PSG8: variants seen among roughly 807,000 people sequenced by gnomAD.
PSG8 encodes pregnancy-specific beta-1-glycoprotein 8.
Under a neutral mutation model 42.5 loss-of-function variants are expected in PSG8, and 57 were observed. The ratio of observed to expected loss-of-function variants is 1.34; its 90% CI spans 1.08 to 1.67. The LOEUF is 1.67. Among genes scored for constraint, PSG8 ranks in the 40% most tolerant of loss-of-function variants. The pLI is 0.00. For synonymous variants in PSG8, 280 were observed against 196.8 expected, an observed-to-expected ratio of 1.42 and a Z score of -3.54; for missense variants, 783 against 518.6, an observed-to-expected ratio of 1.51 and a Z score of -4.95.
chr19:42,764,823 C>G (rs539972051), intron 1 of PSG8, among the ~76,000 whole-genome samples: 6 of 152,122 alleles, frequency 3.9e-5, no homozygotes, highest in Non-Finnish European at 8.8e-5. Context: ...GTGCCCAGAA[C>G]AGGCTGCAGA....
chr19:42,760,836 G>A (rs530210002), intron 2 of PSG8, among the ~76,000 whole-genome samples: 23 of 152,228 alleles, frequency 1.5e-4, no homozygotes, highest in African/African-American at 3.1e-4. Flanking sequence ...CTCGGCCTCC[G>A]AAAGTGCTGG....
intron 3 of PSG8, among the ~76,000 whole-genome samples, chr19:42,756,696 C>G (rs774994727): frequency 2.0e-5 from 3 of 152,002 alleles, no homozygotes; most frequent in African/African-American, 7.3e-5. Context: ...ATGCCTCACT[C>G]GTATATTTTT....
chr19:42,763,639 G>A, intron 2 of PSG8: 1 of 587,768 alleles, frequency 1.7e-6, no homozygotes, highest in Non-Finnish European at 2.8e-6. Flanking sequence ...AAGAGGGCAT[G>A]AGGTGCTTGT....
intron 2 of PSG8, among the ~76,000 whole-genome samples, chr19:42,759,449 G>C (rs1276677107): frequency 1.3e-5 from 2 of 152,142 alleles, no homozygotes; most frequent in Non-Finnish European, 1.5e-5. Context: ...TATGCAGAAG[G>C]CTTAAAACAA....
downstream of PSG8, chr19:42,754,221 C>A (rs113566242): frequency 0.015 from 23,467 of 1,579,712 alleles, 327 homozygotes; most frequent in African/African-American, 0.03. Context: ...TTGGGATTTG[C>A]TTGTGCCCAT....
At chr19:42,760,598 T>C (rs75407223) in intron 2 of PSG8, among the ~76,000 whole-genome samples, 2 of 152,032 alleles carry the variant, frequency 1.3e-5, no homozygotes, top group South Asian at 4.2e-4. Flanking sequence ...ATTTTTTTTT[T>C]CTGAGACAGA....
intron 2 of PSG8, among the ~76,000 whole-genome samples, chr19:42,760,097 G>A (rs1970035374): frequency 6.6e-6 from 1 of 152,156 alleles, no homozygotes; most frequent in Admixed American, 6.5e-5. Flanking sequence ...CCCCAAAACA[G>A]GTATGTGAAA....
chr19:42,763,949 C>T lies in PSG8; in HGVS notation c.397G>A (p.Gly133Arg), dbSNP rs1970142432. 3.1e-6 allele frequency: 5 copies of T among 1,613,668 alleles called. No homozygotes were observed. Among genetic ancestry groups the T allele is most frequent in the Non-Finnish European group, 4.2e-6 (5 of 1,179,838 alleles). The change falls in exon 2 of 5, where the codon GGA becomes AGA. Residue 133 changes from glycine to arginine, a missense_variant. Physicochemically the swap from Gly to Arg is moderately radical, Grantham distance 125 (BLOSUM62 -2). Coordinates refer to ENST00000306511, the MANE Select transcript of PSG8 (RefSeq NM_182707.3). The stretch of plus-strand genomic sequence containing the variant: ...GTGAAGGTGAAATGTCCAGTTACTC[C>T]TCTATTCTCATCACCTCCCATTATG... The part of the protein sequence containing the change: ...HIIMGGDENR[G>R]VTGHFTFTLY...
intron 3 of PSG8, among the ~76,000 whole-genome samples, chr19:42,757,085 C>T (rs560347583): frequency 6.6e-6 from 1 of 152,190 alleles, no homozygotes; most frequent in East Asian, 1.9e-4. Flanking sequence ...ATATTTTATT[C>T]CTTTTGATGT....
At chr19:42,764,341 G>A (rs28678374) in intron 1 of PSG8, 60 bp from the exon 2 acceptor site, 2 of 1,562,192 alleles carry the variant, frequency 1.3e-6, no homozygotes, top group East Asian at 4.5e-5. Flanking sequence ...TGAAAACATG[G>A]GGCCCTGGGT....
chr19:42,752,820 C>T (rs1969815265), downstream of PSG8: 1 of 190,558 alleles, frequency 5.2e-6, no homozygotes, highest in African/African-American at 2.3e-5. Flanking sequence ...ATAATTTCAG[C>T]TTTCCTACCT....
chr19:42,753,245 C>A (rs941122028), downstream of PSG8: 329 of 777,944 alleles, frequency 4.2e-4, 7 homozygotes, highest in Admixed American at 2.4e-4. Flanking sequence ...CAAGGGTTTT[C>A]CCATGAAATT....
rs1406472449 is a variant in PSG8 at position 42,754,528 on chromosome 19, G to A, written c.1048C>T (p.Leu350Phe). 1 of 1,613,810 alleles carries A rather than the reference G, an allele frequency of 6.2e-7. No individual in the cohort carries two copies. Among genetic ancestry groups the A allele is most frequent in the Non-Finnish European group, 8.5e-7 (1 of 1,179,836 alleles). The change falls in exon 5 of 5, where the codon CTC becomes TTC. Residue 350 changes from leucine to phenylalanine, a missense_variant. Transcript: ENST00000306511. ...GAGTCCGCAGAACAGGACAAGTAGA[G>A]GACTTCTCCTGAACGGTAATAGGTG... ...SFTYYRSGEVLYLSCSADSNP... is the reference protein window; with the variant it reads ...SFTYYRSGEVFYLSCSADSNP...
chr19:42,758,347 A>G (rs1036332836), intron 2 of PSG8, 67 bp from the exon 3 acceptor site: 3 of 1,569,442 alleles, frequency 1.9e-6, no homozygotes, highest in Non-Finnish European at 2.6e-6. Flanking sequence ...GCATTTTTCA[A>G]TCAGAGTTGG....
intron 3 of PSG8, among the ~76,000 whole-genome samples, chr19:42,757,705 G>T (rs1397644947): frequency 6.6e-6 from 1 of 152,154 alleles, no homozygotes; most frequent in Non-Finnish European, 1.5e-5. Flanking sequence ...TCACAACATT[G>T]AAGTCCCAGC....
Position 42,754,261 on chromosome 19 carries a change from C to T in PSG8, c.*34G>A, listed in dbSNP as rs547519678. On this transcript the variant is annotated 3_prime_UTR_variant, in exon 5 of 5. Coordinates refer to ENST00000306511, the MANE Select transcript of PSG8 (RefSeq NM_182707.3). ...CGCAGGCTGGGAATAAAAATGTTTT[C>T]CTGACTCTTCCCTGAAGGCCAGATA... 5.0e-6 allele frequency: 8 copies of T among 1,605,268 alleles called. No homozygotes were observed. The highest frequency in any genetic ancestry group is 2.1e-4 in the Middle Eastern group (1 of 4,866).
chr19:42,757,724 A>T lies in PSG8; in HGVS notation c.709+278T>A, dbSNP rs559205171. Among the ~76,000 whole-genome samples, 10 of 152,282 alleles carry T rather than the reference A, an allele frequency of 6.6e-5. No homozygotes were observed. The South Asian group carries it at 8.3e-4, about 13-fold the overall frequency. Reference sequence around the variant, plus strand: ...AACATTGAAGTCCCAGCCAAATCCCAGCTGTGTTCACTGATCTGGAGCCTG... The same window carrying T: ...AACATTGAAGTCCCAGCCAAATCCCTGCTGTGTTCACTGATCTGGAGCCTG... On this transcript the variant is annotated intron_variant, in intron 3 of 4. Coordinates refer to ENST00000306511, the MANE Select transcript of PSG8 (RefSeq NM_182707.3).
chr19:42,763,812 T>C (rs1245955637), intron 2 of PSG8, 104 bp downstream of exon 2: 2 of 1,587,984 alleles, frequency 1.3e-6, no homozygotes, highest in African/African-American at 1.3e-5. Flanking sequence ...TGGGACATAA[T>C]GCAGAGAGGG....
At chr19:42,758,316 G>T in intron 2 of PSG8, 36 bp from the exon 3 acceptor site, 3 of 1,599,242 alleles carry the variant, frequency 1.9e-6, no homozygotes, top group Non-Finnish European at 2.6e-6. Flanking sequence ...GCCCTGTGTG[G>T]CACCTTTGAT....
Sources: gnomAD v4.1 joint callset for allele counts (sites outside exome capture counted in the v4.1 genomes callset) on GRCh38, gnomAD v4.1.1 for gene constraint, MANE v1.5 for transcripts, NCBI Gene and HGNC (gene_info 2026-07-23, HGNC 2026-07-21) for gene names.